Variants in TIAM2 observed in about 807,000 individuals in gnomAD.
TIAM2 encodes the protein TIAM Rac1 associated GEF 2.
Under a neutral mutation model 152.9 loss-of-function variants are expected in TIAM2, and 80 were observed. The observed-to-expected ratio is 0.52, with a 90% CI of 0.44 to 0.63. The LOEUF (loss-of-function observed/expected upper bound fraction) is 0.63. Among genes scored for constraint, TIAM2 ranks in the 30% least tolerant of loss-of-function variants. The pLI, the probability that TIAM2 is intolerant of heterozygous loss-of-function variation, is 0.00. For synonymous variants in TIAM2, 804 were observed against 838.0 expected (o/e 0.96, Z 0.70); for missense variants, 1,965 against 2,120.1 (o/e 0.93, Z 1.44).
chr6:155,033,339 C>T (rs1025564627), intron 1 of TIAM2, among the ~76,000 whole-genome samples: 2 of 152,174 alleles, frequency 1.3e-5, no homozygotes, highest in Non-Finnish European at 2.9e-5. Flanking sequence ...TGGCTTGTCT[C>T]CCCAAAACAA....
intron 2 of TIAM2, among the ~76,000 whole-genome samples, chr6:155,112,902 A>T (rs1376294583): frequency 1.6e-5 from 1 of 60,918 alleles, no homozygotes; most frequent in East Asian, 5.5e-4. Flanking sequence ...CTCCCTTACC[A>T]CCCCCACCCA....
At chr6:155,252,148 A>G in intron 23 of TIAM2, 145 bp downstream of exon 23, 1 of 639,548 alleles carries the variant, frequency 1.6e-6, no homozygotes, top group East Asian at 2.8e-5. Flanking sequence ...TCACATACTG[A>G]GAGCGTTTCT....
At chr6:155,232,244 A>G (rs1022268090) in intron 15 of TIAM2, among the ~76,000 whole-genome samples, 2 of 151,718 alleles carry the variant, frequency 1.3e-5, no homozygotes, top group Non-Finnish European at 2.9e-5. Context: ...GAGTTGAGAA[A>G]AAGTCCTTCG....
intron 2 of TIAM2, among the ~76,000 whole-genome samples, chr6:155,095,124 T>G (rs1236916400): frequency 6.6e-6 from 1 of 152,156 alleles, no homozygotes; most frequent in Non-Finnish European, 1.5e-5. Flanking sequence ...TCTATGGAAC[T>G]AAGTTCCATT....
chr6:155,047,692 AGAGAGAGAGAGAGCGAGAG>A, intron 1 of TIAM2, among the ~76,000 whole-genome samples: 1 of 5,390 alleles, frequency 1.9e-4, no homozygotes. Context: ...GAGAGAGGAG[AGAGAGAGAGAGAGCGAGAG>A]AGAGAGAGAG....
chr6:155,179,299 ATG>A (rs1780834797), intron 11 of TIAM2, 77 bp from the exon 12 acceptor site: 1 of 1,513,988 alleles, frequency 6.6e-7, no homozygotes, highest in South Asian at 1.1e-5. Flanking sequence ...TTCTTGTTTT[ATG>A]AAAAATAGTG....
In TIAM2 at chr6:155,246,102, C is replaced by T. The variant is rs1344170267; in HGVS notation, c.3652+371C>T. On this transcript the variant is annotated intron_variant, in intron 19 of 26. Coordinates refer to ENST00000682666, the MANE Select transcript of TIAM2 (RefSeq NM_012454.4). The stretch of plus-strand genomic sequence containing the variant: ...TTTTTTCCTTGTTAATCTTCTTAAG[C>T]CTGAGGAGCCACAACAGCCTACCAC... Among the ~76,000 whole-genome samples, 8 of 151,366 alleles carry T rather than the reference C, an allele frequency of 5.3e-5. No individual in the cohort carries two copies. In the South Asian group the frequency reaches 1.5e-3, roughly 28 times the overall value.
intron 15 of TIAM2, among the ~76,000 whole-genome samples, chr6:155,224,045 G>A (rs533072929): frequency 5.9e-5 from 9 of 152,264 alleles, no homozygotes; most frequent in South Asian, 2.1e-4. Context: ...CCCCTTCACC[G>A]AGGCCTGCTC....
chr6:155,073,261 C>T (rs1374851091), intron 1 of TIAM2, among the ~76,000 whole-genome samples: 1 of 147,896 alleles, frequency 6.8e-6, no homozygotes, highest in Non-Finnish European at 1.5e-5. Context: ...CTCCCGGGTT[C>T]AAGCGATTCT....
chr6:155,243,459 C>T (rs1011640726), intron 16 of TIAM2, among the ~76,000 whole-genome samples: 9 of 152,140 alleles, frequency 5.9e-5, no homozygotes, highest in East Asian at 1.9e-4. Context: ...AGGGAATGAT[C>T]GAGCTGTAAA....
At position 155,137,230 on chromosome 6, in the gene TIAM2, G is replaced by A. The variant is rs1165853557; in HGVS notation, c.1248G>A (p.Leu416=). The A allele has an allele frequency of 6.2e-7, 1 of 1,614,234 alleles. No homozygotes were observed. The highest frequency in any genetic ancestry group is 2.2e-5 in the East Asian group (1 of 44,890). Residue 416 remains leucine (L), a synonymous_variant, in exon 5 of 27, where the codon CTG becomes CTA. Transcript: ENST00000682666. ...ACTTTGACAGTCGCTCTGATGGACT[G>A]AATACAGATGTGCAGGGATCCTCCC... is the stretch of plus-strand genomic sequence containing the variant. ...SDYFDSRSDG[L]NTDVQGSSQA...
At position 155,217,008 on chromosome 6, in the gene TIAM2, A is replaced by G. The variant is rs1781876333; in HGVS notation, c.3168+5701A>G. 8.6e-6 allele frequency: 11 copies of G among 1,277,730 alleles called. No individual in the cohort carries two copies. In the East Asian group the frequency reaches 2.8e-4, roughly 33 times the overall value. 79.1% of individuals were successfully genotyped at this position (1,277,730 alleles called of 1,614,324 possible). A position where few individuals can be genotyped will look rare whatever the true frequency, so the allele number is the denominator to read the frequency against. On this transcript the variant is annotated intron_variant, in intron 15 of 26. Transcript: ENST00000682666. ...GGGAGAGACAACGTGTGTCTTACACATCTCCCAACAGCCGACTTAGATGTG... is the reference window on the plus strand; with the variant it reads ...GGGAGAGACAACGTGTGTCTTACACGTCTCCCAACAGCCGACTTAGATGTG...
intron 7 of TIAM2, among the ~76,000 whole-genome samples, chr6:155,151,314 T>C (rs2171080): frequency 0.46 from 70,384 of 152,076 alleles, 16,867 homozygotes; most frequent in Middle Eastern, 0.56. Context: ...TGATGTCGTC[T>C]CAAATTGGAA....
intron 1 of TIAM2, among the ~76,000 whole-genome samples, chr6:155,019,161 C>A (rs1159081578): frequency 2.0e-5 from 3 of 151,730 alleles, no homozygotes; most frequent in African/African-American, 7.3e-5. Context: ...TGCGGTGAAA[C>A]CCCTTCTCTA....
chr6:155,096,974 T>A (rs1379246787), intron 2 of TIAM2, among the ~76,000 whole-genome samples: 1 of 152,242 alleles, frequency 6.6e-6, no homozygotes, highest in Non-Finnish European at 1.5e-5. Flanking sequence ...TCAAAGAGTG[T>A]ACAAGGGTTT....
chr6:155,179,190 GC>G (rs756275617), intron 11 of TIAM2, 47 bp downstream of exon 11: 1 of 1,539,374 alleles, frequency 6.5e-7, no homozygotes, highest in South Asian at 1.2e-5. Context: ...CACATCTATG[GC>G]CCTTTGATTT....
At chr6:155,226,755 T>A (rs1782263124) in intron 15 of TIAM2, among the ~76,000 whole-genome samples, 2 of 152,224 alleles carry the variant, frequency 1.3e-5, no homozygotes, top group Admixed American at 1.3e-4. Flanking sequence ...ATAATTTGCC[T>A]GCAACAAATT....
chr6:155,173,714 A>G (rs1490283904), intron 9 of TIAM2, among the ~76,000 whole-genome samples: 1 of 152,202 alleles, frequency 6.6e-6, no homozygotes, highest in Non-Finnish European at 1.5e-5. Flanking sequence ...GCAGAAGACA[A>G]AGCCTCTGCT....
At position 155,182,704 on chromosome 6, in the gene TIAM2, CAG is replaced by C. The variant is rs142911645; in HGVS notation, c.2800+389_2800+390del. 9.6e-3 allele frequency among the ~76,000 whole-genome samples: 1,467 copies of C among 152,080 alleles called. 24 individuals carry two copies. Among genetic ancestry groups the C allele is most frequent in the African/African-American group, 0.034 (1,406 of 41,454 alleles). ...GAGTAAGTGTATACATATATATAGA[CAG>C]AGGGAAGGAGGAAGAGAGTGTGAGA... is the stretch of plus-strand genomic sequence containing the variant. On this transcript the variant is annotated intron_variant, in intron 13 of 26. Transcript: ENST00000682666.
Sources: gnomAD v4.1 joint callset for allele counts (sites outside exome capture counted in the v4.1 genomes callset) on GRCh38, gnomAD v4.1.1 for gene constraint, MANE v1.5 for transcripts, NCBI Gene and HGNC (gene_info 2026-07-23, HGNC 2026-07-21) for gene names.